Variants in CDH23 observed in about 807,000 individuals in gnomAD.
CDH23 encodes cadherin related 23.
In CDH23, 189 loss-of-function variants were observed where a neutral mutation model predicts 317.1. The observed-to-expected ratio is 0.60, with a 90% CI of 0.53 to 0.67. The LOEUF is 0.67. Ranked by LOEUF, CDH23 falls within the 30% of genes least tolerant of loss-of-function variation. CDH23 has a pLI of 0.00. For synonymous variants in CDH23, 1,839 were observed against 1,876.8 expected (o/e 0.98, Z 0.52); for missense variants, 4,401 against 4,592.4 (o/e 0.96, Z 1.20).
chr10:71,427,516 A>G (rs902186426), intron 1 of CDH23, among the ~76,000 whole-genome samples: 1 of 152,168 alleles, frequency 6.6e-6, no homozygotes, highest in Admixed American at 6.5e-5. Context: ...TCGTTGTGAT[A>G]TACCAACGGA....
At chr10:71,680,810 C>CTTTTTTTTTTTTTTTTTTTTTTT (rs562449159) in intron 17 of CDH23, among the ~76,000 whole-genome samples, 1 of 100,594 alleles carries the variant, frequency 9.9e-6, no homozygotes, top group Non-Finnish European at 1.8e-5. Context: ...CTCTGTCTTT[C>CTTTTTTTTTTTTTTTTTTTTTTT]TTTTTTTTTT....
rs1412184715 is a variant in CDH23, at chr10:71,583,029, T to G, written c.832+5037T>G. On this transcript the variant is annotated intron_variant, in intron 9 of 69. Transcript: ENST00000224721. ...CATGATAAGAAGGGAGAAAAGATCC[T>G]TGGGAGGGGGTGCCTCATCCACTCA... 5.3e-5 allele frequency among the ~76,000 whole-genome samples: 8 copies of G among 152,122 alleles called. No individual in the cohort carries two copies. In the East Asian group the frequency reaches 1.5e-3, roughly 29 times the overall value.
intron 14 of CDH23, among the ~76,000 whole-genome samples, chr10:71,673,273 A>G (rs1303212471): frequency 6.6e-6 from 1 of 152,202 alleles, no homozygotes; most frequent in South Asian, 2.1e-4. Context: ...GATGGGGGCC[A>G]AGGAGGTATG....
intron 6 of CDH23, among the ~76,000 whole-genome samples, chr10:71,540,430 TC>T (rs1434602935): frequency 3.3e-5 from 5 of 152,226 alleles, no homozygotes; most frequent in Admixed American, 3.3e-4. Context: ...GCCCCAGCCT[TC>T]CCAGACTCAC....
intron 1 of CDH23, among the ~76,000 whole-genome samples, chr10:71,429,651 G>A (rs1251465178): frequency 1.3e-5 from 2 of 152,214 alleles, no homozygotes; most frequent in Non-Finnish European, 2.9e-5. Context: ...GTGCGTGGAA[G>A]ATGTTCGTTA....
chr10:71,533,558 C>G (rs1855530553), intron 6 of CDH23, among the ~76,000 whole-genome samples: 1 of 151,500 alleles, frequency 6.6e-6, no homozygotes, highest in Admixed American at 6.6e-5. Flanking sequence ...CACACACACA[C>G]ACACACACAC....
chr10:71,405,189 G>A (rs914801058), intron 1 of CDH23, among the ~76,000 whole-genome samples: 1 of 152,150 alleles, frequency 6.6e-6, no homozygotes, highest in African/African-American at 2.4e-5. Flanking sequence ...ACAGACAGGA[G>A]ATTAGCCATC....
At chr10:71,411,890 A>G (rs565593440) in intron 1 of CDH23, among the ~76,000 whole-genome samples, 2 of 152,322 alleles carry the variant, frequency 1.3e-5, no homozygotes, top group East Asian at 3.9e-4. Context: ...TTGTGCAACT[A>G]TCACCACTAT....
At chr10:71,671,809 C>T (rs1425569527) in intron 14 of CDH23, among the ~76,000 whole-genome samples, 18 of 152,200 alleles carry the variant, frequency 1.2e-4, no homozygotes, top group Non-Finnish European at 2.6e-4. Flanking sequence ...ACCACTGCGC[C>T]TCTGTTTCCT....
intron 1 of CDH23, among the ~76,000 whole-genome samples, chr10:71,436,115 T>C (rs1034968317): frequency 6.6e-6 from 1 of 152,190 alleles, no homozygotes; most frequent in African/African-American, 2.4e-5. Context: ...CCTCACCCTG[T>C]GGGGAGGATG....
chr10:71,793,051 A>C, intron 47 of CDH23, 131 bp from the exon 48 acceptor site: 2 of 592,710 alleles, frequency 3.4e-6, no homozygotes, highest in East Asian at 5.7e-5. Flanking sequence ...AGTATGAAAA[A>C]GGTATAAAAG....
intron 11 of CDH23, among the ~76,000 whole-genome samples, chr10:71,637,287 C>A (rs1017683323): frequency 4.6e-5 from 7 of 152,104 alleles, no homozygotes; most frequent in Non-Finnish European, 8.8e-5. Flanking sequence ...GTCACCCAAG[C>A]CTTTGCCCTT....
intron 1 of CDH23, among the ~76,000 whole-genome samples, chr10:71,415,104 C>T (rs1232950499): frequency 6.6e-6 from 1 of 151,692 alleles, no homozygotes; most frequent in East Asian, 1.9e-4. Flanking sequence ...ATTTTTATTT[C>T]TTTATTATTA....
chr10:71,492,615 C>T (rs1325995569), intron 3 of CDH23, among the ~76,000 whole-genome samples: 2 of 152,170 alleles, frequency 1.3e-5, no homozygotes, highest in African/African-American at 4.8e-5. Context: ...CCAGGTCACT[C>T]TCATTTTTTC....
At chr10:71,472,013 A>C (rs1019732521) in intron 3 of CDH23, among the ~76,000 whole-genome samples, 3 of 152,170 alleles carry the variant, frequency 2.0e-5, no homozygotes, top group Admixed American at 1.3e-4. Flanking sequence ...CCTGGAATGG[A>C]TCTGGTGCTC....
chr10:71,791,314 C>A lies in CDH23; in HGVS notation c.6232C>A (p.Leu2078Met), dbSNP rs1243292292. ...TFSPATLTVH[L>M]LENCPPGFSV... ...TAGCCCTGCCACCCTCACTGTCCAT[C>A]TGCTAGAGAACTGCCCGCCTGGTAA... The change falls in exon 47 of 70, where the codon CTG becomes ATG. Residue 2078 changes from leucine (L) to methionine (M), a missense_variant. This residue lies in a region of CDH23 where 3,068 missense variants were observed against 3,203.3 expected (regional missense o/e 0.96). Coordinates refer to ENST00000224721, the MANE Select transcript of CDH23 (RefSeq NM_022124.6). The A allele has an allele frequency of 6.2e-7, 1 of 1,613,736 alleles. No individual in the cohort carries two copies. The highest frequency in any genetic ancestry group is 1.1e-5 in the South Asian group (1 of 90,954).
chr10:71,669,262 G>A (rs898903296), intron 14 of CDH23, among the ~76,000 whole-genome samples: 8 of 152,184 alleles, frequency 5.3e-5, no homozygotes, highest in African/African-American at 1.4e-4. Flanking sequence ...GTGCGCAGCC[G>A]ATGACTGTCC....
intron 3 of CDH23, among the ~76,000 whole-genome samples, chr10:71,469,036 G>A (rs188365416): frequency 1.2e-4 from 19 of 152,232 alleles, no homozygotes; most frequent in Non-Finnish European, 2.2e-4. Context: ...TGCCTCTTGC[G>A]TCCTAACACA....
intron 6 of CDH23, among the ~76,000 whole-genome samples, chr10:71,540,985 C>T (rs1855957152): frequency 6.6e-6 from 1 of 152,002 alleles, no homozygotes; most frequent in African/African-American, 2.4e-5. Flanking sequence ...CTACCCAACT[C>T]CATCCCTCTG....
Sources: allele counts gnomAD v4.1 joint callset (sites outside exome capture counted in the v4.1 genomes callset), GRCh38; gene constraint gnomAD v4.1.1; regional missense constraint gnomAD v4.1.1; transcripts MANE v1.5; gene names NCBI Gene and HGNC (gene_info 2026-07-23, HGNC 2026-07-21).